RPTOR: variants seen among roughly 807,000 people sequenced by gnomAD.
RPTOR encodes the protein regulatory-associated protein of mTOR.
RPTOR carries 21 observed loss-of-function variants against 169.9 expected under a neutral mutation model. The observed-to-expected ratio is 0.12, with a 90% CI of 0.09 to 0.18. The LOEUF is 0.18. Among genes scored for constraint, RPTOR ranks in the 10% least tolerant of loss-of-function variants. The probability of loss-of-function intolerance (pLI) is 1.00; values close to 1 mark genes in which losing one functional copy is unlikely to be tolerated. For synonymous variants in RPTOR, 732 were observed against 753.2 expected, an observed-to-expected ratio of 0.97 and a Z score of 0.46; for missense variants, 1,133 against 1,855.9, an observed-to-expected ratio of 0.61 and a Z score of 7.16.
At position 80,861,685 on chromosome 17, in the gene RPTOR, A is replaced by G. The variant is rs554304579; in HGVS notation, c.1509+3785A>G. Among the ~76,000 whole-genome samples the G allele has an allele frequency of 2.6e-5, 4 of 152,172 alleles. No individual in the cohort carries two copies. The highest frequency in any genetic ancestry group is 5.9e-5 in the Non-Finnish European group (4 of 68,036). ...CAGGGTGAAGGGAGGAAGAGATGCCATCTGCATGCAGAGGTCTGGGATTAC... is the reference window on the plus strand; with the variant it reads ...CAGGGTGAAGGGAGGAAGAGATGCCGTCTGCATGCAGAGGTCTGGGATTAC... On this transcript the variant is annotated intron_variant, in intron 13 of 33. Coordinates refer to ENST00000306801, the MANE Select transcript of RPTOR (RefSeq NM_020761.3). The surrounding 1 kb of genome is among the most constrained non-coding windows in gnomAD (Gnocchi z 4.5).
chr17:80,882,314 A>G (rs1231347969), intron 14 of RPTOR, among the ~76,000 whole-genome samples: 4 of 152,248 alleles, frequency 2.6e-5, no homozygotes, highest in Non-Finnish European at 5.9e-5. Context: ...AGCAGGATGA[A>G]TCCTGAGAAG....
At chr17:80,571,393 G>GC (rs1049396031) in intron 1 of RPTOR, among the ~76,000 whole-genome samples, 2 of 152,098 alleles carry the variant, frequency 1.3e-5, no homozygotes, top group Admixed American at 6.6e-5. Flanking sequence ...ACATCTGTGT[G>GC]CCCCCAGCCC....
intron 17 of RPTOR, 97 bp downstream of exon 17, chr17:80,885,245 A>G (rs1347243557): frequency 3.6e-6 from 5 of 1,372,342 alleles, no homozygotes; most frequent in Non-Finnish European, 4.9e-6. Flanking sequence ...AGCAGGGAGC[A>G]CTCAGTTTCC....
At chr17:80,874,611 G>A (rs1488446988) in intron 13 of RPTOR, among the ~76,000 whole-genome samples, 1 of 152,298 alleles carries the variant, frequency 6.6e-6, no homozygotes, top group Non-Finnish European at 1.5e-5. Flanking sequence ...TGCACTGCTC[G>A]GTGGATGTTC....
intron 3 of RPTOR, among the ~76,000 whole-genome samples, chr17:80,688,971 C>G (rs2065969549): frequency 6.6e-6 from 1 of 152,316 alleles, no homozygotes; most frequent in South Asian, 2.1e-4. Flanking sequence ...GGTGGCCTCT[C>G]CTGCAGAACG....
At chr17:80,766,191 G>T (rs2066785464) in intron 6 of RPTOR, among the ~76,000 whole-genome samples, 1 of 152,048 alleles carries the variant, frequency 6.6e-6, no homozygotes, top group South Asian at 2.1e-4. Context: ...AGGTAACTGG[G>T]ACTACAGGTG....
chr17:80,735,663 C>T (rs1321373214), intron 5 of RPTOR, among the ~76,000 whole-genome samples: 2 of 152,092 alleles, frequency 1.3e-5, no homozygotes, highest in African/African-American at 2.4e-5. Context: ...TAATGGGAGG[C>T]CAGTAGCGAG....
In RPTOR at chr17:80,957,824, G is replaced by T; in HGVS notation, c.3477+94G>T. The T allele has an allele frequency of 8.6e-7, 1 of 1,162,558 alleles. No homozygotes were observed. Among genetic ancestry groups the T allele is most frequent in the Non-Finnish European group, 1.3e-6 (1 of 786,368 alleles). 72.0% of individuals were successfully genotyped at this position (1,162,558 alleles called of 1,614,324 possible). On this transcript the variant is annotated intron_variant, in intron 29 of 33. Coordinates refer to ENST00000306801, the MANE Select transcript of RPTOR (RefSeq NM_020761.3). The surrounding 1 kb of genome is among the most constrained non-coding windows in gnomAD (Gnocchi z 4.6). ...AGAACCCAGCAAAGTGTGCGGTGAG[G>T]CCTGGCCATCCCAGGGGTGGAGTCA... is the stretch of plus-strand genomic sequence containing the variant.
chr17:80,745,388 C>T (rs1450124760), intron 5 of RPTOR, among the ~76,000 whole-genome samples: 1 of 152,172 alleles, frequency 6.6e-6, no homozygotes, highest in Non-Finnish European at 1.5e-5. Flanking sequence ...TTGGAAGTCT[C>T]CATCCACCAG....
chr17:80,720,514 G>A (rs1280755268), intron 4 of RPTOR, among the ~76,000 whole-genome samples: 1 of 152,210 alleles, frequency 6.6e-6, no homozygotes, highest in Non-Finnish European at 1.5e-5. Context: ...GCTTACAGTA[G>A]TAGAAGGCCA....
At chr17:80,751,673 C>T (rs909018484) in intron 5 of RPTOR, among the ~76,000 whole-genome samples, 2 of 152,214 alleles carry the variant, frequency 1.3e-5, no homozygotes, top group South Asian at 4.1e-4. Flanking sequence ...ACAATAGCGC[C>T]TCCTCTTCAT....
chr17:80,887,926 C>T (rs1376843667), intron 17 of RPTOR, among the ~76,000 whole-genome samples: 7 of 152,188 alleles, frequency 4.6e-5, no homozygotes, highest in African/African-American at 1.7e-4. Flanking sequence ...AGCAGCCACC[C>T]GTCCCTTGTC....
intron 5 of RPTOR, among the ~76,000 whole-genome samples, chr17:80,750,087 A>G (rs1206719911): frequency 6.6e-6 from 1 of 152,112 alleles, no homozygotes; most frequent in Non-Finnish European, 1.5e-5. Flanking sequence ...CCTGGGTTCA[A>G]GTGATCCTCC....
At chr17:80,684,286 C>T (rs1391194844) in intron 3 of RPTOR, among the ~76,000 whole-genome samples, 1 of 151,804 alleles carries the variant, frequency 6.6e-6, no homozygotes, top group Non-Finnish European at 1.5e-5. Context: ...TTCTGCAAGT[C>T]AAAACTGTAT....
chr17:80,672,780 ACT>A (rs1381448330), intron 3 of RPTOR, among the ~76,000 whole-genome samples: 5 of 151,836 alleles, frequency 3.3e-5, no homozygotes, highest in Non-Finnish European at 7.4e-5. Flanking sequence ...ACAGAGCGAG[ACT>A]CTGTCTCAAA....
At chr17:80,592,107 G>GAAAAA (rs2065112112) in intron 1 of RPTOR, among the ~76,000 whole-genome samples, 1 of 152,130 alleles carries the variant, frequency 6.6e-6, no homozygotes, top group African/African-American at 2.4e-5. Flanking sequence ...TTTCCCACTG[G>GAAAAA]GTTTTATTTG....
chr17:80,771,165 C>T (rs529495011), intron 6 of RPTOR, among the ~76,000 whole-genome samples: 70 of 152,312 alleles, frequency 4.6e-4, no homozygotes, highest in African/African-American at 1.6e-3. Context: ...CTCTGAAGCT[C>T]CCACTCTCTG....
At position 80,844,511 on chromosome 17, in the gene RPTOR, A is replaced by AT. The variant is rs960192020; in HGVS notation, c.1213-1953dup. Reference sequence around the variant, plus strand: ...TGTGGAGGAGGGGGTACTTAACGAGATTTTTTTTTAACCAATTTATGAATA... The same window carrying AT: ...TGTGGAGGAGGGGGTACTTAACGAGATTTTTTTTTTAACCAATTTATGAATA... On this transcript the variant is annotated intron_variant, in intron 10 of 33. Coordinates refer to ENST00000306801, the MANE Select transcript of RPTOR (RefSeq NM_020761.3). This position sits in a 1 kb window ranked among gnomAD's most constrained non-coding sequence, Gnocchi z 4.7. 1.3e-4 allele frequency among the ~76,000 whole-genome samples: 19 copies of AT among 151,852 alleles called. No individual in the cohort carries two copies. The highest frequency in any genetic ancestry group is 2.1e-4 in the Non-Finnish European group (14 of 67,902).
At chr17:80,791,137 C>T (rs546920458) in intron 6 of RPTOR, among the ~76,000 whole-genome samples, 3 of 151,690 alleles carry the variant, frequency 2.0e-5, no homozygotes, top group East Asian at 3.9e-4. Flanking sequence ...TCCAGCATCT[C>T]GTTTGGAGAC....
Sources: allele counts gnomAD v4.1 joint callset (sites outside exome capture counted in the v4.1 genomes callset), GRCh38; gene constraint gnomAD v4.1.1; non-coding constraint Gnocchi (gnomAD v3.1); transcripts MANE v1.5; gene names NCBI Gene and HGNC (gene_info 2026-07-23, HGNC 2026-07-21).